HNF4G: variants seen among roughly 807,000 people sequenced by gnomAD.
HNF4G encodes the protein hepatocyte nuclear factor 4-gamma.
In HNF4G, 21 loss-of-function variants were observed where a neutral mutation model predicts 50.9. The ratio of observed to expected loss-of-function variants is 0.41; its 90% CI spans 0.29 to 0.59. HNF4G has a LOEUF of 0.59. Among genes scored for constraint, HNF4G ranks in the 20% least tolerant of loss-of-function variants. The probability of loss-of-function intolerance (pLI) is 0.26; values close to 1 mark genes in which losing one functional copy is unlikely to be tolerated. For synonymous variants in HNF4G, 198 were observed against 185.6 expected (o/e 1.07, Z -0.54); for missense variants, 527 against 559.4 (o/e 0.94, Z 0.58).
chr8:75,549,334 T>C (rs1188606548), intron 3 of HNF4G, among the ~76,000 whole-genome samples: 1 of 152,172 alleles, frequency 6.6e-6, no homozygotes, highest in East Asian at 1.9e-4. Context: ...ACAATATCTT[T>C]TAGCATTTTT....
chr8:75,553,038 C>T lies in HNF4G; in HGVS notation c.490-4C>T. Reference sequence around the variant, plus strand: ...TGATAATATAATGCTTTTCTTAATACTAGATCTCAGTCTCAAGCCCTGGGT... The same window carrying T: ...TGATAATATAATGCTTTTCTTAATATTAGATCTCAGTCTCAAGCCCTGGGT... On this transcript the variant is annotated splice_region_variant and splice_polypyrimidine_tract_variant and intron_variant, in intron 4 of 9. Coordinates refer to ENST00000396423, the MANE Select transcript of HNF4G (RefSeq NM_004133.5). The T allele has an allele frequency of 6.3e-7, 1 of 1,598,932 alleles. No homozygotes were observed. Among genetic ancestry groups the T allele is most frequent in the Non-Finnish European group, 8.5e-7 (1 of 1,170,534 alleles).
intron 1 of HNF4G, among the ~76,000 whole-genome samples, chr8:75,441,906 TG>T (rs1256948402): frequency 2.0e-5 from 3 of 152,188 alleles, no homozygotes; most frequent in African/African-American, 7.2e-5. Context: ...ACATCCCAAA[TG>T]TCCATTTATA....
intron 2 of HNF4G, among the ~76,000 whole-genome samples, chr8:75,500,325 T>C (rs1349243665): frequency 6.6e-6 from 1 of 152,116 alleles, no homozygotes; most frequent in Non-Finnish European, 1.5e-5. Context: ...GAGACAATGC[T>C]TTACATCCCC....
intron 2 of HNF4G, among the ~76,000 whole-genome samples, chr8:75,529,987 G>A (rs16939084): frequency 0.02 from 2,976 of 152,270 alleles, 59 homozygotes; most frequent in Non-Finnish European, 0.032. Context: ...TAATAACAAA[G>A]CAGAACAGAG....
intron 1 of HNF4G, among the ~76,000 whole-genome samples, chr8:75,428,872 T>C (rs763037666): frequency 2.6e-5 from 4 of 152,164 alleles, no homozygotes; most frequent in Non-Finnish European, 4.4e-5. Context: ...ACATTTTGAA[T>C]ATATTATTCT....
intron 1 of HNF4G, among the ~76,000 whole-genome samples, chr8:75,482,251 A>C (rs1812397004): frequency 6.6e-6 from 1 of 152,132 alleles, no homozygotes; most frequent in African/African-American, 2.4e-5. Flanking sequence ...TGCCTAGAAA[A>C]AATTAAAAAT....
Position 75,549,608 on chromosome 8 carries a change from T to A in HNF4G, c.383-1780T>A, listed in dbSNP as rs186472560. Among the ~76,000 whole-genome samples the A allele has an allele frequency of 2.8e-3, 422 of 151,726 alleles. 3 individuals carry two copies. The highest frequency in any genetic ancestry group is 3.2e-3 in the Non-Finnish European group (217 of 67,894). On this transcript the variant is annotated intron_variant, in intron 3 of 9. Transcript: ENST00000396423. ...ATGCTTCTGGGTAGTTGTTTTTTTTTAATTATTATTATTATTATACTTTAA... is the reference window on the plus strand; with the variant it reads ...ATGCTTCTGGGTAGTTGTTTTTTTTAAATTATTATTATTATTATACTTTAA...
intron 3 of HNF4G, 115 bp downstream of exon 3, chr8:75,547,796 T>C (rs1358412926): frequency 7.2e-5 from 49 of 682,000 alleles, no homozygotes. Flanking sequence ...CTCAATATAA[T>C]AAGGAGGAAT....
At chr8:75,536,085 A>G (rs1271923708), upstream of HNF4G, among the ~76,000 whole-genome samples, 1 of 151,972 alleles carries the variant, frequency 6.6e-6, no homozygotes, top group Non-Finnish European at 1.5e-5. Context: ...ACTAGAGCTA[A>G]GATGGAACAT....
intron 1 of HNF4G, among the ~76,000 whole-genome samples, chr8:75,410,862 G>A (rs1407331539): frequency 6.6e-6 from 1 of 152,120 alleles, no homozygotes; most frequent in African/African-American, 2.4e-5. Context: ...CACTCATATA[G>A]AGACATAAGG....
upstream of HNF4G, among the ~76,000 whole-genome samples, chr8:75,537,589 C>A (rs1806501152): frequency 6.6e-6 from 1 of 151,894 alleles, no homozygotes; most frequent in East Asian, 1.9e-4. Flanking sequence ...AAGGGAAATA[C>A]TGTGGAAGTA....
At chr8:75,437,160 C>T (rs1811159402) in intron 1 of HNF4G, among the ~76,000 whole-genome samples, 1 of 152,168 alleles carries the variant, frequency 6.6e-6, no homozygotes, top group African/African-American at 2.4e-5. Context: ...AACAAAGTTT[C>T]GAATATAAAA....
At chr8:75,492,887 T>C (rs1348079894) in intron 2 of HNF4G, among the ~76,000 whole-genome samples, 1 of 152,140 alleles carries the variant, frequency 6.6e-6, no homozygotes, top group Non-Finnish European at 1.5e-5. Context: ...CTCTGCCTTT[T>C]CCCTTTTTGG....
At chr8:75,467,593 G>T (rs1289716802) in intron 1 of HNF4G, among the ~76,000 whole-genome samples, 1 of 151,854 alleles carries the variant, frequency 6.6e-6, no homozygotes, top group African/African-American at 2.4e-5. Context: ...CTGGGAGGCG[G>T]AGGTTGCAGT....
intron 2 of HNF4G, among the ~76,000 whole-genome samples, chr8:75,521,896 A>G (rs533446611): frequency 5.9e-5 from 9 of 152,294 alleles, no homozygotes; most frequent in Admixed American, 5.2e-4. Flanking sequence ...TCCTTGCCTT[A>G]CAATGGCCCT....
chr8:75,420,353 T>C (rs1193499140), intron 1 of HNF4G, among the ~76,000 whole-genome samples: 1 of 152,254 alleles, frequency 6.6e-6, no homozygotes, highest in Non-Finnish European at 1.5e-5. Context: ...ATATGTTATC[T>C]TCCTGCTTAA....
chr8:75,485,535 G>A (rs1476278618), intron 1 of HNF4G, among the ~76,000 whole-genome samples: 1 of 152,070 alleles, frequency 6.6e-6, no homozygotes, highest in African/African-American at 2.4e-5. Flanking sequence ...TGAGCTGATT[G>A]AATATATTTC....
At chr8:75,515,341 C>T (rs1035743379) in intron 2 of HNF4G, among the ~76,000 whole-genome samples, 1 of 152,072 alleles carries the variant, frequency 6.6e-6, no homozygotes, top group Non-Finnish European at 1.5e-5. Context: ...TTCTTCTTTT[C>T]TAATCTAAGC....
At chr8:75,487,622 A>G (rs1223341089) in intron 1 of HNF4G, among the ~76,000 whole-genome samples, 4 of 152,144 alleles carry the variant, frequency 2.6e-5, no homozygotes, top group African/African-American at 9.7e-5. Flanking sequence ...GCTTAGACCC[A>G]GTTTCATGAT....
Sources: gnomAD v4.1 joint callset for allele counts (sites outside exome capture counted in the v4.1 genomes callset) on GRCh38, gnomAD v4.1.1 for gene constraint, MANE v1.5 for transcripts, NCBI Gene and HGNC (gene_info 2026-07-23, HGNC 2026-07-21) for gene names.